Variants in SLC16A12 observed in about 807,000 individuals in gnomAD.
SLC16A12 encodes monocarboxylate transporter 12.
In SLC16A12, 17 loss-of-function variants were observed where a neutral mutation model predicts 42.4. The observed-to-expected ratio is 0.40, with a 90% CI of 0.27 to 0.60. The LOEUF is 0.60. Ranked by LOEUF, SLC16A12 falls within the 20% of genes least tolerant of loss-of-function variation. The pLI is 0.42. For synonymous variants in SLC16A12, 224 were observed against 229.4 expected (o/e 0.98, Z 0.21); for missense variants, 544 against 623.0 (o/e 0.87, Z 1.35).
At chr10:89,539,588 A>G (rs375539419), upstream of SLC16A12, among the ~76,000 whole-genome samples, 1 of 152,336 alleles carries the variant, frequency 6.6e-6, no homozygotes. Context: ...CAGTACAGAA[A>G]AAAAGGGAAC....
At chr10:89,443,333 T>C (rs1252996963) in intron 4 of SLC16A12, among the ~76,000 whole-genome samples, 2 of 152,226 alleles carry the variant, frequency 1.3e-5, no homozygotes, top group East Asian at 1.9e-4. Context: ...TTGGCACTTA[T>C]GACTATGTAA....
In SLC16A12 at chr10:89,436,291, A is replaced by G. The variant is rs1564823638; in HGVS notation, c.1057T>C (p.Tyr353His). Residue 353 changes from tyrosine to histidine, a missense_variant, in exon 7 of 8, where the codon TAC becomes CAC. Transcript: ENST00000371790. The part of the protein sequence containing the change: ...RCLKNYQYVC[Y>H]LFAVGMDGLC... ...CCATCCATTCCCACGGCAAAGAGGT[A>G]GCAAACATACTGGTAATTCTTCAGA... The G allele has an allele frequency of 1.2e-6, 2 of 1,614,062 alleles. No individual in the cohort carries two copies. Among genetic ancestry groups the G allele is most frequent in the Admixed American group, 3.3e-5 (2 of 60,002 alleles).
At chr10:89,480,641 C>T (rs1842648000) in intron 2 of SLC16A12, among the ~76,000 whole-genome samples, 1 of 152,036 alleles carries the variant, frequency 6.6e-6, no homozygotes, top group African/African-American at 2.4e-5. Flanking sequence ...CAAATAGTAA[C>T]ATGATTAGAA....
intron 7 of SLC16A12, among the ~76,000 whole-genome samples, chr10:89,434,352 G>T (rs563949320): frequency 1.3e-5 from 2 of 152,292 alleles, no homozygotes; most frequent in East Asian, 3.9e-4. Flanking sequence ...TGAAGGCCAC[G>T]AACTGAATCC....
chr10:89,501,603 T>C (rs1357790125), intron 2 of SLC16A12, among the ~76,000 whole-genome samples: 1 of 152,034 alleles, frequency 6.6e-6, no homozygotes, highest in Non-Finnish European at 1.5e-5. Context: ...ATACAAAAAT[T>C]AGCTGAGTGT....
At position 89,431,666 on chromosome 10, in the gene SLC16A12, T is replaced by C. The variant is rs1219384898; in HGVS notation, c.*1398A>G. ...GATTTTAAACTCCTGGTAATTAAAA[T>C]TGATTGCATAATTTACTCCTATTAC... On this transcript the variant is annotated 3_prime_UTR_variant, in exon 8 of 8. Transcript: ENST00000371790. The C allele has an allele frequency of 1.3e-5, 2 of 152,182 alleles. No individual in the cohort carries two copies. Among genetic ancestry groups the C allele is most frequent in the Non-Finnish European group, 2.9e-5 (2 of 68,030 alleles). 9.4% of individuals were successfully genotyped at this position (152,182 alleles called of 1,614,324 possible). A position where few individuals can be genotyped will look rare whatever the true frequency, so the allele number is the denominator to read the frequency against.
At chr10:89,521,271 G>T (rs1044559691) in intron 2 of SLC16A12, among the ~76,000 whole-genome samples, 5 of 152,172 alleles carry the variant, frequency 3.3e-5, no homozygotes, top group Admixed American at 3.3e-4. Context: ...TCCAAGTCGA[G>T]ATTTCTGTTC....
chr10:89,443,169 A>G (rs980288617), intron 4 of SLC16A12, among the ~76,000 whole-genome samples: 1 of 152,210 alleles, frequency 6.6e-6, no homozygotes, highest in Non-Finnish European at 1.5e-5. Flanking sequence ...CATAATGAAT[A>G]TGTTTATCTC....
intron 2 of SLC16A12, among the ~76,000 whole-genome samples, chr10:89,479,364 T>C (rs1279505597): frequency 6.6e-6 from 1 of 152,138 alleles, no homozygotes; most frequent in Admixed American, 6.5e-5. Context: ...TCCTCAGCAA[T>C]TCTGTGCTAT....
upstream of SLC16A12, among the ~76,000 whole-genome samples, chr10:89,535,792 C>G (rs923570204): frequency 1.3e-5 from 2 of 152,036 alleles, no homozygotes; most frequent in Non-Finnish European, 2.9e-5. Context: ...CCAGGCTGCG[C>G]GATCCGCGCT....
At chr10:89,436,868 A>AAAAAAAGAAAGAAAG (rs1554884214) in intron 6 of SLC16A12, among the ~76,000 whole-genome samples, 5 of 120,424 alleles carry the variant, frequency 4.2e-5, no homozygotes, top group Admixed American at 8.3e-5. Context: ...GAAATAAAGA[A>AAAAAAAGAAAGAAAG]AAAGAAAGAA....
chr10:89,553,437 C>A (rs1343304757), intron 2 of SLC16A12, among the ~76,000 whole-genome samples: 1 of 152,142 alleles, frequency 6.6e-6, no homozygotes. Context: ...ACAAATATTG[C>A]CAACTAGCAT....
intron 2 of SLC16A12, among the ~76,000 whole-genome samples, chr10:89,478,738 T>A (rs1842618406): frequency 6.6e-6 from 1 of 152,176 alleles, no homozygotes; most frequent in African/African-American, 2.4e-5. Flanking sequence ...AGACTCAAAT[T>A]TCCAATAGTC....
chr10:89,507,270 C>T (rs796593091), intron 2 of SLC16A12, among the ~76,000 whole-genome samples: 38 of 152,080 alleles, frequency 2.5e-4, no homozygotes, highest in African/African-American at 8.4e-4. Flanking sequence ...AACACAAAAT[C>T]ATCAGACTCA....
At chr10:89,515,840 T>G (rs953960757) in intron 2 of SLC16A12, among the ~76,000 whole-genome samples, 11 of 152,066 alleles carry the variant, frequency 7.2e-5, no homozygotes, top group African/African-American at 2.4e-4. Flanking sequence ...GAGAAAGAAA[T>G]GGGATTTTTC....
Position 89,462,419 on chromosome 10 carries a change from C to A in SLC16A12, c.160G>T (p.Gly54Cys). The A allele has an allele frequency of 6.2e-7, 1 of 1,614,060 alleles. No homozygotes were observed. Among genetic ancestry groups the A allele is most frequent in the Non-Finnish European group, 8.5e-7 (1 of 1,179,944 alleles). The change falls in exon 3 of 8, where the codon GGC becomes TGC. Residue 54 changes from glycine (G) to cysteine (C), a missense_variant. Gly to Cys is a radical substitution (Grantham distance 159, BLOSUM62 -3). Transcript: ENST00000371790. Reference sequence around the variant, plus strand: ...GTGCAGATGGTAACAAGGAAACAGCCAGCCACAATCATCCAGCCCCAGCCT... The same window carrying A: ...GTGCAGATGGTAACAAGGAAACAGCAAGCCACAATCATCCAGCCCCAGCCT... ...DGGWGWMIVA[G>C]CFLVTICTRA...
intron 2 of SLC16A12, among the ~76,000 whole-genome samples, chr10:89,500,256 T>C (rs977885500): frequency 1.3e-5 from 2 of 152,192 alleles, no homozygotes; most frequent in Non-Finnish European, 2.9e-5. Context: ...TTCCACAAGA[T>C]AGAGAAATAG....
intron 2 of SLC16A12, among the ~76,000 whole-genome samples, chr10:89,549,651 C>T (rs1372990626): frequency 6.6e-6 from 1 of 152,056 alleles, no homozygotes; most frequent in East Asian, 1.9e-4. Context: ...TAACTGCTTG[C>T]CAATTGCTTT....
chr10:89,437,715 C>A (rs1026414113), intron 6 of SLC16A12, among the ~76,000 whole-genome samples: 7 of 152,046 alleles, frequency 4.6e-5, no homozygotes, highest in African/African-American at 1.7e-4. Context: ...TGATTAATTA[C>A]CAAAAACATA....
Sources: gnomAD v4.1 joint callset for allele counts (sites outside exome capture counted in the v4.1 genomes callset) on GRCh38, gnomAD v4.1.1 for gene constraint, MANE v1.5 for transcripts, NCBI Gene and HGNC (gene_info 2026-07-23, HGNC 2026-07-21) for gene names.